The following GRAMD2B variants were observed in gnomAD, a reference collection of about 807,000 sequenced individuals.
The protein encoded by GRAMD2B is GRAM domain-containing protein 2B.
A neutral mutation model predicts 59.2 loss-of-function variants in GRAMD2B; 41 were observed. The observed-to-expected ratio is 0.69, with a 90% CI of 0.54 to 0.90. The LOEUF is 0.90. Among genes scored for constraint, GRAMD2B ranks in the 40% least tolerant of loss-of-function variants. The pLI, the probability that GRAMD2B is intolerant of heterozygous loss-of-function variation, is 0.00. For synonymous variants in GRAMD2B, 161 were observed against 182.7 expected (o/e 0.88, Z 0.96); for missense variants, 424 against 500.5 (o/e 0.85, Z 1.46).
intron 13 of GRAMD2B, among the ~76,000 whole-genome samples, chr5:126,489,512 T>C (rs1313448977): frequency 6.6e-6 from 1 of 152,186 alleles, no homozygotes; most frequent in African/African-American, 2.4e-5. Context: ...ACTGCAAAGT[T>C]GTGCTTAGAA....
At position 126,406,935 on chromosome 5, in the gene GRAMD2B, A is replaced by G. The variant is rs192720368; in HGVS notation, c.125+35368A>G. Among the ~76,000 whole-genome samples, 299 of 152,202 alleles carry G rather than the reference A, an allele frequency of 2.0e-3. 2 individuals carry two copies. The highest frequency in any genetic ancestry group is 1.4e-3 in the African/African-American group (60 of 41,552). On this transcript the variant is annotated intron_variant, in intron 1 of 8. Coordinates refer to the GRAMD2B transcript ENST00000506445. ...CTGTTTTGTGGTTCTGAAAGCCAAGATAAGTAATAACAATAACAAACTCTG... is the reference window on the plus strand; with the variant it reads ...CTGTTTTGTGGTTCTGAAAGCCAAGGTAAGTAATAACAATAACAAACTCTG...
intron 1 of GRAMD2B, among the ~76,000 whole-genome samples, chr5:126,413,566 T>C (rs1759012776): frequency 6.6e-6 from 1 of 152,046 alleles, no homozygotes; most frequent in African/African-American, 2.4e-5. Flanking sequence ...GATGAGAATA[T>C]ATATTCTGTG....
upstream of GRAMD2B, among the ~76,000 whole-genome samples, chr5:126,421,126 T>C (rs149770701): frequency 8.3e-3 from 1,265 of 151,972 alleles, 23 homozygotes; most frequent in African/African-American, 0.029. Flanking sequence ...TTAATGGGAG[T>C]TTATGCCAAG....
chr5:126,460,418 G>A (rs1175656863), intron 1 of GRAMD2B, among the ~76,000 whole-genome samples: 5 of 152,180 alleles, frequency 3.3e-5, no homozygotes, highest in Non-Finnish European at 1.5e-5. Context: ...AAAAATATAT[G>A]TATCAGAATT....
chr5:126,477,924 A>G, intron 6 of GRAMD2B, 137 bp downstream of exon 6: 1 of 632,910 alleles, frequency 1.6e-6, no homozygotes, highest in Non-Finnish European at 2.8e-6. Flanking sequence ...AAAATTCCAT[A>G]AGACTAATTT....
At chr5:126,364,749 C>T (rs949543969) in intron 1 of GRAMD2B, among the ~76,000 whole-genome samples, 4 of 152,210 alleles carry the variant, frequency 2.6e-5, no homozygotes, top group African/African-American at 9.6e-5. Context: ...GCTCTAAAAC[C>T]TCTCCCTCTA....
chr5:126,460,903 T>C (rs1456715365), intron 1 of GRAMD2B, among the ~76,000 whole-genome samples: 2 of 152,246 alleles, frequency 1.3e-5, no homozygotes, highest in African/African-American at 4.8e-5. Context: ...TAAACCTTTG[T>C]TGATCAAGAC....
chr5:126,467,032 G>T (rs1319092683), intron 2 of GRAMD2B, among the ~76,000 whole-genome samples: 2 of 152,154 alleles, frequency 1.3e-5, no homozygotes, highest in Non-Finnish European at 2.9e-5. Context: ...GCTCACACCT[G>T]TAATCCTAGC....
intron 1 of GRAMD2B, among the ~76,000 whole-genome samples, chr5:126,374,594 T>C (rs1755032783): frequency 6.6e-6 from 1 of 152,248 alleles, no homozygotes; most frequent in South Asian, 2.1e-4. Flanking sequence ...GTTTATGACT[T>C]AAGAAATCCT....
intron 8 of GRAMD2B, among the ~76,000 whole-genome samples, chr5:126,481,240 AAAGAAAGAAAAG>A: frequency 7.6e-6 from 1 of 131,280 alleles, no homozygotes. Context: ...AGAAAGAAAG[AAAGAAAGAAAAG>A]AAAAAAAAAG....
chr5:126,439,871 CATG>C (rs1220973322), intron 1 of GRAMD2B, among the ~76,000 whole-genome samples: 2 of 152,094 alleles, frequency 1.3e-5, no homozygotes, highest in East Asian at 3.9e-4. Context: ...GAATAAGTCT[CATG>C]AGAACTGATG....
chr5:126,423,722 G>T, intron 1 of GRAMD2B, 33 bp downstream of exon 1: 2 of 1,572,564 alleles, frequency 1.3e-6, no homozygotes, highest in Non-Finnish European at 1.7e-6. Flanking sequence ...CATCCAAGGA[G>T]GTGGGAGGAG....
chr5:126,396,645 G>T (rs1440165609), intron 1 of GRAMD2B, among the ~76,000 whole-genome samples: 1 of 152,174 alleles, frequency 6.6e-6, no homozygotes. Flanking sequence ...ACATACATGT[G>T]CATGTATCTT....
chr5:126,448,691 G>T (rs1764790862), intron 1 of GRAMD2B, among the ~76,000 whole-genome samples: 1 of 152,072 alleles, frequency 6.6e-6, no homozygotes, highest in South Asian at 2.1e-4. Context: ...AAAAAGAGGG[G>T]ACTTAACTGG....
intron 1 of GRAMD2B, among the ~76,000 whole-genome samples, chr5:126,428,348 G>A (rs1580923251): frequency 6.6e-6 from 1 of 151,686 alleles, no homozygotes; most frequent in African/African-American, 2.4e-5. Context: ...TTTTAAAATG[G>A]TATACATATT....
chr5:126,423,082 T>C (rs1463874483), upstream of GRAMD2B: 6 of 821,734 alleles, frequency 7.3e-6, no homozygotes, highest in Non-Finnish European at 8.8e-6. Flanking sequence ...GGATGGGGCA[T>C]AGGCCAGCCC....
intron 4 of GRAMD2B, among the ~76,000 whole-genome samples, chr5:126,472,941 G>C (rs1201904493): frequency 1.3e-5 from 2 of 152,188 alleles, no homozygotes; most frequent in Admixed American, 6.5e-5. Context: ...GGGGAAAAGG[G>C]GAACAGGTGT....
intron 1 of GRAMD2B, among the ~76,000 whole-genome samples, chr5:126,438,572 C>T (rs1157853284): frequency 6.6e-6 from 1 of 152,078 alleles, no homozygotes; most frequent in East Asian, 1.9e-4. Flanking sequence ...TGTGTTTCAT[C>T]AGGGGCTTGA....
chr5:126,371,298 C>T (rs577540624), upstream of GRAMD2B: 1 of 1,131,820 alleles, frequency 8.8e-7, no homozygotes, highest in African/African-American at 1.6e-5. Flanking sequence ...AACATAGCCT[C>T]AGCTAGATTG....
Sources: allele counts gnomAD v4.1 joint callset (sites outside exome capture counted in the v4.1 genomes callset), GRCh38; gene constraint gnomAD v4.1.1; transcripts MANE v1.5; gene names NCBI Gene and HGNC (gene_info 2026-07-23, HGNC 2026-07-21).